The following SCAPER variants were observed in gnomAD, a reference collection of about 807,000 sequenced individuals.
SCAPER encodes the protein S-phase cyclin A associated protein in the ER.
A neutral mutation model predicts 182.2 loss-of-function variants in SCAPER; 98 were observed. The observed-to-expected ratio is 0.54, with a 90% confidence interval of 0.46 to 0.64. SCAPER has a LOEUF of 0.64. SCAPER is among the 30% of genes least tolerant of loss of function. SCAPER has a pLI of 0.00. For synonymous variants in SCAPER, 605 were observed against 564.6 expected, an observed-to-expected ratio of 1.07 and a Z score of -1.01; for missense variants, 1,432 against 1,690.0, an observed-to-expected ratio of 0.85 and a Z score of 2.68.
At chr15:76,865,199 T>A (rs570814962) in intron 2 of SCAPER, among the ~76,000 whole-genome samples, 1 of 152,178 alleles carries the variant, frequency 6.6e-6, no homozygotes, top group African/African-American at 2.4e-5. Context: ...CCAAAGAGGA[T>A]AAATACGAAG....
At chr15:76,657,176 T>A (rs1419369960) in intron 21 of SCAPER, among the ~76,000 whole-genome samples, 2 of 151,760 alleles carry the variant, frequency 1.3e-5, no homozygotes, top group Non-Finnish European at 2.9e-5. Flanking sequence ...AAAAAAGACA[T>A]AAGATCCAAA....
At chr15:76,604,933 C>G (rs1019992267) in intron 22 of SCAPER, among the ~76,000 whole-genome samples, 3 of 151,950 alleles carry the variant, frequency 2.0e-5, no homozygotes, top group Non-Finnish European at 4.4e-5. Context: ...TGGGCTGAGA[C>G]GATGGGGTTT....
At chr15:76,398,156 AG>A (rs2044214216) in intron 27 of SCAPER, among the ~76,000 whole-genome samples, 2 of 152,108 alleles carry the variant, frequency 1.3e-5, no homozygotes, top group South Asian at 4.1e-4. Context: ...CCATCTTTCA[AG>A]GGCCATGTTA....
rs201779697 is a variant in SCAPER, at chr15:76,761,406, T to G, written c.1725+3555A>C. Among the ~76,000 whole-genome samples, 30 of 152,268 alleles carry G rather than the reference T, an allele frequency of 2.0e-4. No homozygotes were observed. In the East Asian group the frequency reaches 5.6e-3, roughly 28 times the overall value. On this transcript the variant is annotated intron_variant, in intron 14 of 31. Coordinates refer to ENST00000563290, the MANE Select transcript of SCAPER (RefSeq NM_020843.4). ...TTTGTTTCTTCTTTTTCTAGTTCTG[T>G]GAGTTAGAAAACTAGTGTAGGCATT...
intron 20 of SCAPER, among the ~76,000 whole-genome samples, chr15:76,686,420 T>C (rs1005517787): frequency 9.2e-5 from 14 of 152,120 alleles, no homozygotes; most frequent in Admixed American, 9.2e-4. Context: ...CCAAGAGTTG[T>C]GGAGAATGTA....
chr15:76,546,028 C>G (rs1189556460), intron 23 of SCAPER, among the ~76,000 whole-genome samples: 1 of 152,120 alleles, frequency 6.6e-6, no homozygotes, highest in African/African-American at 2.4e-5. Context: ...AGCTCAACAT[C>G]CAGAACGCAC....
intron 24 of SCAPER, among the ~76,000 whole-genome samples, chr15:76,494,210 A>C (rs960154764): frequency 5.3e-5 from 8 of 152,140 alleles, no homozygotes; most frequent in Non-Finnish European, 1.0e-4. Context: ...TTCACTCCAC[A>C]TTTGCTGGCT....
intron 23 of SCAPER, among the ~76,000 whole-genome samples, chr15:76,539,207 T>C (rs1317519066): frequency 1.3e-5 from 2 of 152,210 alleles, no homozygotes; most frequent in Non-Finnish European, 2.9e-5. Flanking sequence ...TGTAAAGTTC[T>C]AGAGGATTGA....
intron 23 of SCAPER, among the ~76,000 whole-genome samples, chr15:76,550,379 G>C (rs531654678): frequency 1.3e-5 from 2 of 152,208 alleles, no homozygotes; most frequent in South Asian, 4.2e-4. Flanking sequence ...ACTGCATACT[G>C]TTCCCCTTCA....
rs185549298 is a variant in SCAPER, at chr15:76,520,772, A to C, written c.2839-15798T>G. Among the ~76,000 whole-genome samples, 294 of 152,328 alleles carry C rather than the reference A, an allele frequency of 1.9e-3. 1 individual carries two copies. Among genetic ancestry groups the C allele is most frequent in the Admixed American group, 4.1e-3 (62 of 15,300 alleles). On this transcript the variant is annotated intron_variant, in intron 23 of 31. Coordinates refer to ENST00000563290, the MANE Select transcript of SCAPER (RefSeq NM_020843.4). Reference sequence around the variant, plus strand: ...TAAGTAGTTGGCTTATGATTATATAAATAGTAAGTGCTGATCAGGAAGTCA... The same window carrying C: ...TAAGTAGTTGGCTTATGATTATATACATAGTAAGTGCTGATCAGGAAGTCA...
chr15:76,467,283 C>T (rs1420870179), intron 25 of SCAPER, among the ~76,000 whole-genome samples: 3 of 152,126 alleles, frequency 2.0e-5, no homozygotes, highest in Admixed American at 1.3e-4. Context: ...GCAAGCCTCC[C>T]TGTTTTTGTT....
At chr15:76,871,563 T>C (rs1476004786) in intron 2 of SCAPER, among the ~76,000 whole-genome samples, 5 of 150,008 alleles carry the variant, frequency 3.3e-5, no homozygotes, top group Non-Finnish European at 5.9e-5. Context: ...CGTTATCTGT[T>C]ACAATTTGCT....
intron 11 of SCAPER, among the ~76,000 whole-genome samples, chr15:76,765,892 C>T (rs1049538184): frequency 6.6e-6 from 1 of 151,984 alleles, no homozygotes; most frequent in Non-Finnish European, 1.5e-5. Context: ...AATATATTGG[C>T]CTTATCCTAT....
intron 24 of SCAPER, among the ~76,000 whole-genome samples, chr15:76,489,436 CTT>C (rs1224947083): frequency 2.6e-5 from 4 of 151,620 alleles, no homozygotes; most frequent in African/African-American, 9.7e-5. Flanking sequence ...CCCTTGCTGT[CTT>C]CTTTCTAGTC....
chr15:76,382,522 A>C (rs2043017492), intron 27 of SCAPER, among the ~76,000 whole-genome samples: 1 of 152,104 alleles, frequency 6.6e-6, no homozygotes, highest in Non-Finnish European at 1.5e-5. Context: ...GTATATGTGA[A>C]GCATCTAGAG....
At chr15:76,587,124 T>G (rs1369960767) in intron 22 of SCAPER, among the ~76,000 whole-genome samples, 4 of 152,122 alleles carry the variant, frequency 2.6e-5, no homozygotes, top group African/African-American at 7.2e-5. Flanking sequence ...TTGAATGATC[T>G]TTTGTATTTC....
At chr15:76,721,291 G>C (rs963054095) in intron 17 of SCAPER, among the ~76,000 whole-genome samples, 6 of 152,116 alleles carry the variant, frequency 3.9e-5, no homozygotes, top group African/African-American at 1.4e-4. Flanking sequence ...CTATAACTCT[G>C]TTTTGGTACC....
Position 76,701,795 on chromosome 15 carries a change from G to T in SCAPER, c.2471C>A (p.Thr824Asn). 4 of 1,613,806 alleles carry T rather than the reference G, an allele frequency of 2.5e-6. No individual in the cohort carries two copies. Among genetic ancestry groups the T allele is most frequent in the Non-Finnish European group, 3.4e-6 (4 of 1,179,810 alleles). Residue 824 changes from threonine to asparagine, a missense_variant, in exon 20 of 32, where the codon ACC becomes AAC. Around this residue, in one of 5 missense-constraint regions of SCAPER, gnomAD observed 718 missense variants for 799.7 expected, o/e 0.90. Transcript: ENST00000563290. The stretch of plus-strand genomic sequence containing the variant: ...TGACAGTTCACGCCCCTGGATGCTG[G>T]TATTCTCTCTCACGGCTTGCTGGTG... ...RKHQQAVREN[T>N]SIQGRELSDE...
At chr15:76,561,950 C>T (rs561051105) in intron 23 of SCAPER, among the ~76,000 whole-genome samples, 187 of 151,212 alleles carry the variant, frequency 1.2e-3, no homozygotes, top group African/African-American at 4.2e-3. Flanking sequence ...GTTCGAAACC[C>T]ACCTGGCCAA....
Sources: gnomAD v4.1 joint callset for allele counts (sites outside exome capture counted in the v4.1 genomes callset) on GRCh38, gnomAD v4.1.1 for gene constraint, gnomAD v4.1.1 regional missense constraint, MANE v1.5 for transcripts, NCBI Gene and HGNC (gene_info 2026-07-23, HGNC 2026-07-21) for gene names.